ANO10: variants seen among roughly 807,000 people sequenced by gnomAD.
ANO10 encodes anoctamin-10.
In ANO10, 77 loss-of-function variants were observed where a neutral mutation model predicts 74.7. The ratio of observed to expected loss-of-function variants is 1.03; its 90% confidence interval spans 0.86 to 1.25. The LOEUF is 1.25. Among genes scored for constraint, ANO10 ranks in the 50% most tolerant of loss-of-function variants. The probability of loss-of-function intolerance (pLI) is 0.00; values close to 1 mark genes in which losing one functional copy is unlikely to be tolerated. For synonymous variants in ANO10, 279 were observed against 284.9 expected, an observed-to-expected ratio of 0.98 and a Z score of 0.21; for missense variants, 721 against 778.1, an observed-to-expected ratio of 0.93 and a Z score of 0.87.
Position 43,455,606 on chromosome 3 carries a change from C to A in ANO10, c.1798-22879G>T, listed in dbSNP as rs149649015. 7.3e-4 allele frequency among the ~76,000 whole-genome samples: 111 copies of A among 152,220 alleles called. 1 individual carries two copies. The highest frequency in any genetic ancestry group is 2.2e-3 in the African/African-American group (93 of 41,532). On this transcript the variant is annotated intron_variant, in intron 11 of 12. Transcript: ENST00000292246. ...GAGGGCAGTCTTCCATCTCACAGAT[C>A]CTTTCTGGGGCCAGCTAATTTAATT...
At chr3:43,672,353 G>T (rs994933228) in intron 1 of ANO10, among the ~76,000 whole-genome samples, 1 of 151,944 alleles carries the variant, frequency 6.6e-6, no homozygotes, top group Non-Finnish European at 1.5e-5. Context: ...GTGAGACTCC[G>T]TCTCAACAAA....
At chr3:43,434,438 T>G (rs2093036799) in intron 11 of ANO10, among the ~76,000 whole-genome samples, 1 of 152,234 alleles carries the variant, frequency 6.6e-6, no homozygotes, top group Admixed American at 6.5e-5. Context: ...TACTGAGATA[T>G]AATTTTATAC....
At chr3:43,656,499 C>G (rs890048517) in intron 1 of ANO10, among the ~76,000 whole-genome samples, 2 of 152,152 alleles carry the variant, frequency 1.3e-5, no homozygotes, top group East Asian at 1.9e-4. Flanking sequence ...CGGGGAGGCT[C>G]GGGCCGCACA....
chr3:43,469,700 A>G (rs1427956137), intron 11 of ANO10, among the ~76,000 whole-genome samples: 1 of 152,232 alleles, frequency 6.6e-6, no homozygotes, highest in East Asian at 1.9e-4. Flanking sequence ...GTCTCCCATT[A>G]TCCTTAAACA....
intron 12 of ANO10, among the ~76,000 whole-genome samples, chr3:43,396,226 T>G (rs188297352): frequency 5.9e-4 from 90 of 152,342 alleles, no homozygotes; most frequent in Non-Finnish European, 1.8e-4. Context: ...TTTAGACTTT[T>G]CATAGATGCC....
chr3:43,467,522 A>G (rs891974460), intron 11 of ANO10, among the ~76,000 whole-genome samples: 1 of 152,218 alleles, frequency 6.6e-6, no homozygotes, highest in Non-Finnish European at 1.5e-5. Context: ...ATCTATATGA[A>G]TTTCTGTAAC....
chr3:43,423,357 TTTGA>T (rs2148918880), intron 12 of ANO10, among the ~76,000 whole-genome samples: 1 of 152,130 alleles, frequency 6.6e-6, no homozygotes, highest in East Asian at 1.9e-4. Context: ...ACAAACTCAG[TTTGA>T]TTAAGTGGAT....
intron 1 of ANO10, among the ~76,000 whole-genome samples, chr3:43,685,341 T>C (rs1001853430): frequency 2.0e-5 from 3 of 152,246 alleles, no homozygotes; most frequent in Admixed American, 6.5e-5. Context: ...CATATCAATA[T>C]GCTCTGGAGT....
intron 1 of ANO10, among the ~76,000 whole-genome samples, chr3:43,619,153 G>A (rs1236748572): frequency 6.6e-6 from 1 of 152,196 alleles, no homozygotes; most frequent in South Asian, 2.1e-4. Flanking sequence ...AGAAAAGGAA[G>A]ATAAATATCC....
At chr3:43,566,311 G>A (rs1421153135) in intron 7 of ANO10, among the ~76,000 whole-genome samples, 5 of 152,256 alleles carry the variant, frequency 3.3e-5, no homozygotes, top group South Asian at 2.1e-4. Flanking sequence ...CAGCTGGGAA[G>A]CTCGAACTGG....
chr3:43,470,377 G>A (rs1314096062), intron 11 of ANO10, among the ~76,000 whole-genome samples: 3 of 152,196 alleles, frequency 2.0e-5, no homozygotes, highest in South Asian at 4.1e-4. Context: ...TTTTTGAGAC[G>A]GAGTCTCGTT....
At chr3:43,554,988 T>A (rs1014879979) in intron 10 of ANO10, among the ~76,000 whole-genome samples, 1 of 152,200 alleles carries the variant, frequency 6.6e-6, no homozygotes, top group Non-Finnish European at 1.5e-5. Flanking sequence ...TAATACTGGC[T>A]GAGATGAAGT....
intron 11 of ANO10, among the ~76,000 whole-genome samples, chr3:43,437,962 T>C (rs536652991): frequency 5.9e-5 from 9 of 151,826 alleles, no homozygotes; most frequent in Non-Finnish European, 8.8e-5. Context: ...GATCTGTGAA[T>C]TGCCTGACAG....
At chr3:43,596,717 T>A (rs1451140917) in intron 4 of ANO10, among the ~76,000 whole-genome samples, 1 of 152,044 alleles carries the variant, frequency 6.6e-6, no homozygotes, top group Non-Finnish European at 1.5e-5. Context: ...GGACTTCCTG[T>A]CTAAAACACC....
At position 43,627,799 on chromosome 3, in the gene ANO10, G is replaced by A. The variant is rs144873757; in HGVS notation, c.-11-21936C>T. On this transcript the variant is annotated intron_variant, in intron 1 of 3. Transcript: ENST00000413397. ...CTTCCATTATATCTTCTGATTAGTT[G>A]CTGCACATATATATATATATCATTA... Among the ~76,000 whole-genome samples the A allele has an allele frequency of 7.8e-4, 118 of 150,934 alleles. 1 individual carries two copies. The highest frequency in any genetic ancestry group is 2.7e-3 in the African/African-American group (113 of 41,322).
At chr3:43,626,558 C>T (rs1485237660), upstream of ANO10, among the ~76,000 whole-genome samples, 1 of 152,110 alleles carries the variant, frequency 6.6e-6, no homozygotes, top group Non-Finnish European at 1.5e-5. Context: ...ACCTTGGCCT[C>T]CCAAAGTGCT....
At chr3:43,381,584 C>G (rs1045080371) in intron 12 of ANO10, among the ~76,000 whole-genome samples, 2 of 152,124 alleles carry the variant, frequency 1.3e-5, no homozygotes, top group African/African-American at 4.8e-5. Context: ...TACTCCTAGA[C>G]CTAAGAAATG....
chr3:43,399,554 C>G (rs1188573134), intron 12 of ANO10, among the ~76,000 whole-genome samples: 2 of 152,142 alleles, frequency 1.3e-5, no homozygotes, highest in African/African-American at 4.8e-5. Context: ...GGTCTACTTG[C>G]ATTTGGGAAA....
chr3:43,485,991 C>T (rs2149100490), intron 11 of ANO10: 1 of 256,728 alleles, frequency 3.9e-6, no homozygotes. Flanking sequence ...ATTTCCTTGA[C>T]ACATTTTGAA....
Sources: gnomAD v4.1 joint callset for allele counts (sites outside exome capture counted in the v4.1 genomes callset) on GRCh38, gnomAD v4.1.1 for gene constraint, MANE v1.5 for transcripts, NCBI Gene and HGNC (gene_info 2026-07-23, HGNC 2026-07-21) for gene names.